AP3B2: variants seen among roughly 807,000 people sequenced by gnomAD.
AP3B2 encodes the protein adaptor related protein complex 3 subunit beta 2.
AP3B2 carries 50 observed loss-of-function variants against 126.9 expected under a neutral mutation model. That is an observed-to-expected ratio of 0.39 (90% CI 0.31 to 0.50). AP3B2 has a LOEUF of 0.50. AP3B2 is among the 20% of genes least tolerant of loss of function. AP3B2 has a pLI of 0.79. For missense variants in AP3B2, 1,177 were observed against 1,426.4 expected, an observed-to-expected ratio of 0.83 and a Z score of 2.82; for synonymous variants, 541 against 565.0, an observed-to-expected ratio of 0.96 and a Z score of 0.60.
At chr15:82,693,929 G>A (rs1476357045) in intron 1 of AP3B2, among the ~76,000 whole-genome samples, 1 of 151,606 alleles carries the variant, frequency 6.6e-6, no homozygotes, top group Non-Finnish European at 1.5e-5. Context: ...TCAAACTCCC[G>A]ACCTCAGTTG....
chr15:82,670,948 G>A (rs2048147008), intron 14 of AP3B2, among the ~76,000 whole-genome samples: 2 of 152,164 alleles, frequency 1.3e-5, no homozygotes, highest in South Asian at 4.1e-4. Context: ...TATATGAAAA[G>A]GTGATCAACA....
chr15:82,680,814 C>A lies in AP3B2; in HGVS notation c.771+23G>T. On this transcript the variant is annotated intron_variant, in intron 7 of 26. Coordinates refer to ENST00000535359, the MANE Select transcript of AP3B2 (RefSeq NM_001278512.2). The surrounding 1 kb of genome is among the most constrained non-coding windows in gnomAD (Gnocchi z 6.1). ...TCCCCGGGACACACTTCGGCCCGCT[C>A]TGCCTGGGCTGGGCCCACTTACGTT... 1 of 1,612,400 alleles carries A rather than the reference C, an allele frequency of 6.2e-7. No individual in the cohort carries two copies. The highest frequency in any genetic ancestry group is 8.5e-7 in the Non-Finnish European group (1 of 1,179,178).
chr15:82,677,890 T>G lies in AP3B2; in HGVS notation c.1246-87A>C, dbSNP rs943363724. ...AGGCTGTGGCCTTTCATTTTATGGC[T>G]TATCATGCCGGTGACTAAGACTTGG... On this transcript the variant is annotated intron_variant, in intron 11 of 26. Coordinates refer to ENST00000535359, the MANE Select transcript of AP3B2 (RefSeq NM_001278512.2). The G allele has an allele frequency of 4.1e-6, 6 of 1,469,770 alleles. No individual in the cohort carries two copies. The Admixed American group carries it at 6.9e-5, about 17-fold the overall frequency. The allele number at this position is 1,469,770 out of a possible 1,614,324, so 91.0% of individuals were successfully genotyped here.
At chr15:82,691,784 C>T (rs978988411) in intron 1 of AP3B2, 9 of 1,551,278 alleles carry the variant, frequency 5.8e-6, no homozygotes, top group Admixed American at 3.4e-5. Context: ...TGGAGAGTCA[C>T]GGCCCCTTGA....
chr15:82,663,429 C>T (rs1472795751), intron 21 of AP3B2, 131 bp downstream of exon 21: 9 of 1,165,854 alleles, frequency 7.7e-6, no homozygotes, highest in Admixed American at 5.8e-5. Context: ...CCTCTCAGGC[C>T]TGAAGATATG....
intron 21 of AP3B2, 129 bp downstream of exon 21, chr15:82,663,431 G>A (rs992851876): frequency 8.5e-7 from 1 of 1,171,666 alleles, no homozygotes; most frequent in South Asian, 1.3e-5. Flanking sequence ...TCTCAGGCCT[G>A]AAGATATGTT....
At chr15:82,700,382 G>A (rs1371951459) in intron 1 of AP3B2, among the ~76,000 whole-genome samples, 3 of 63,580 alleles carry the variant, frequency 4.7e-5, no homozygotes, top group Non-Finnish European at 1.1e-4. Context: ...CCACTGGCCT[G>A]CCAGTGGTGG....
intron 1 of AP3B2, chr15:82,697,959 G>C (rs2048655619): frequency 6.6e-6 from 1 of 152,520 alleles, no homozygotes; most frequent in South Asian, 2.1e-4. Context: ...AGCTGGGTAG[G>C]CGTGGGCAGC....
intron 14 of AP3B2, among the ~76,000 whole-genome samples, chr15:82,675,461 A>G (rs1399367785): frequency 2.6e-5 from 4 of 151,940 alleles, no homozygotes; most frequent in African/African-American, 9.7e-5. Context: ...CCATCCAAAG[A>G]CTCCCACGCA....
At position 82,709,628 on chromosome 15, in the gene AP3B2, C is replaced by T. The variant is rs1170835770; in HGVS notation, c.79G>A (p.Ala27Thr). The T allele has an allele frequency of 2.0e-6, 3 of 1,516,234 alleles. No homozygotes were observed. The highest frequency in any genetic ancestry group is 5.4e-5 in the East Asian group (2 of 36,836). The allele number at this position is 1,516,234 out of a possible 1,614,324, so 93.9% of individuals were successfully genotyped here. A position where few individuals can be genotyped will look rare whatever the true frequency, so the allele number is the denominator to read the frequency against. ...TCGGAGGAGAAGATGCCGCCGCTCGCGGGGTCGTGGCCGTACTCGGGCTCC... is the reference window on the plus strand; with the variant it reads ...TCGGAGGAGAAGATGCCGCCGCTCGTGGGGTCGTGGCCGTACTCGGGCTCC... ...PGEPEYGHDP[A>T]SGGIFSSDYK... is the part of the protein sequence containing the mutation. The change falls in exon 1 of 27, where the codon GCG becomes ACG. Residue 27 changes from alanine (A) to threonine (T), a missense_variant. Around this residue, in one of 5 missense-constraint regions of AP3B2, gnomAD observed 49 missense variants for 39.3 expected, o/e 1.25. Coordinates refer to ENST00000535359, the MANE Select transcript of AP3B2 (RefSeq NM_001278512.2).
chr15:82,707,659 G>A (rs1051837314), intron 1 of AP3B2, among the ~76,000 whole-genome samples: 12 of 151,688 alleles, frequency 7.9e-5, no homozygotes, highest in Non-Finnish European at 1.8e-4. Context: ...GAACCTCCTT[G>A]GGCACTCTCT....
chr15:82,706,633 A>C (rs1415783661), intron 1 of AP3B2, among the ~76,000 whole-genome samples: 1 of 152,088 alleles, frequency 6.6e-6, no homozygotes, highest in African/African-American at 2.4e-5. Context: ...TACTCCCCCA[A>C]TGAAACTTAC....
At chr15:82,688,962 C>G in intron 3 of AP3B2, 131 bp from the exon 4 acceptor site, 2 of 1,002,316 alleles carry the variant, frequency 2.0e-6, no homozygotes, top group African/African-American at 3.2e-5. Context: ...GGGGAGAGCA[C>G]CCCTGAGTGT....
intron 3 of AP3B2, 44 bp downstream of exon 3, chr15:82,689,114 T>TC (rs763510101): frequency 6.2e-7 from 1 of 1,603,572 alleles, no homozygotes; most frequent in Non-Finnish European, 8.5e-7. Flanking sequence ...AGTGTGGTCC[T>TC]GGGGGAGGTG....
At chr15:82,677,421 T>A in intron 12 of AP3B2, 38 bp from the exon 13 acceptor site, 1 of 1,576,224 alleles carries the variant, frequency 6.3e-7, no homozygotes, top group Non-Finnish European at 8.7e-7. Flanking sequence ...CCCAAGACAG[T>A]CAGATGGCCA....
At chr15:82,694,600 G>A (rs763371933) in intron 1 of AP3B2, among the ~76,000 whole-genome samples, 1 of 151,832 alleles carries the variant, frequency 6.6e-6, no homozygotes, top group Non-Finnish European at 1.5e-5. Flanking sequence ...TGGGAGGATC[G>A]CTTGCACCAA....
chr15:82,679,688 G>C (rs2048300741), intron 10 of AP3B2, 41 bp downstream of exon 10: 1 of 1,570,072 alleles, frequency 6.4e-7, no homozygotes, highest in African/African-American at 1.3e-5. Flanking sequence ...ACATGGGGTG[G>C]GGAGGGCTGG....
intron 1 of AP3B2, among the ~76,000 whole-genome samples, chr15:82,693,612 T>C (rs2048584175): frequency 6.7e-6 from 1 of 149,716 alleles, no homozygotes. Context: ...TGCTTAACAG[T>C]TAATTATTTT....
At chr15:82,671,975 C>T (rs955571013) in intron 14 of AP3B2, among the ~76,000 whole-genome samples, 3 of 151,938 alleles carry the variant, frequency 2.0e-5, no homozygotes, top group African/African-American at 7.3e-5. Context: ...ACCTGGGAGG[C>T]GGAGGTTGCA....
Sources: gnomAD v4.1 joint callset for allele counts (sites outside exome capture counted in the v4.1 genomes callset) on GRCh38, gnomAD v4.1.1 for gene constraint, gnomAD v4.1.1 regional missense constraint, Gnocchi (gnomAD v3.1) non-coding constraint, MANE v1.5 for transcripts, NCBI Gene and HGNC (gene_info 2026-07-23, HGNC 2026-07-21) for gene names.